The following NEDD9 variants were observed in gnomAD, a reference collection of about 807,000 sequenced individuals.
The protein encoded by NEDD9 is enhancer of filamentation 1.
In NEDD9, 26 loss-of-function variants were observed where a neutral mutation model predicts 76.6. That is an observed-to-expected ratio of 0.34 (90% CI 0.25 to 0.47). The LOEUF is 0.47. Ranked by LOEUF, NEDD9 falls within the 20% of genes least tolerant of loss-of-function variation. The pLI, the probability that NEDD9 is intolerant of heterozygous loss-of-function variation, is 1.00. For missense variants in NEDD9, 937 were observed against 1,058.5 expected (o/e 0.89, Z 1.59); for synonymous variants, 392 against 414.2 (o/e 0.95, Z 0.65).
intron 1 of NEDD9, among the ~76,000 whole-genome samples, chr6:11,215,004 C>T (rs1021676024): frequency 6.6e-6 from 1 of 152,188 alleles, no homozygotes; most frequent in Non-Finnish European, 1.5e-5. Context: ...CTTGATCATT[C>T]AGCCTCGTGC....
chr6:11,319,415 TAC>T (rs773336877), intron 2 of NEDD9, among the ~76,000 whole-genome samples: 31 of 147,914 alleles, frequency 2.1e-4, no homozygotes, highest in Admixed American at 4.0e-4. Context: ...CACCCTCACA[TAC>T]AGTCACACAT....
chr6:11,350,867 CG>C (rs1396438018), intron 1 of NEDD9, among the ~76,000 whole-genome samples: 1 of 152,072 alleles, frequency 6.6e-6, no homozygotes. Flanking sequence ...CAACCAGGGT[CG>C]GGGGGTGGTC....
chr6:11,380,049 C>T (rs1763034911), intron 1 of NEDD9, among the ~76,000 whole-genome samples: 2 of 152,350 alleles, frequency 1.3e-5, no homozygotes, highest in South Asian at 2.1e-4. Context: ...AGGTGCTCTC[C>T]ATGCTGTGCC....
chr6:11,278,255 C>A (rs1055471230), intron 3 of NEDD9, among the ~76,000 whole-genome samples: 2 of 152,174 alleles, frequency 1.3e-5, no homozygotes, highest in Non-Finnish European at 2.9e-5. Flanking sequence ...TCATCTGAAG[C>A]GAATTCTGTA....
At chr6:11,280,154 G>A (rs2113356393) in intron 3 of NEDD9, among the ~76,000 whole-genome samples, 1 of 152,298 alleles carries the variant, frequency 6.6e-6, no homozygotes, top group Non-Finnish European at 1.5e-5. Flanking sequence ...AGTGAAAAAT[G>A]TCTCTATTCA....
At chr6:11,291,277 T>TG (rs1275815217) in intron 3 of NEDD9, among the ~76,000 whole-genome samples, 4 of 141,020 alleles carry the variant, frequency 2.8e-5, no homozygotes, top group Non-Finnish European at 4.6e-5. Flanking sequence ...GTTTTTTTTT[T>TG]TTTTTTTTTT....
At chr6:11,340,621 A>G (rs1018712066) in intron 1 of NEDD9, among the ~76,000 whole-genome samples, 5 of 152,176 alleles carry the variant, frequency 3.3e-5, no homozygotes, top group Admixed American at 6.5e-5. Context: ...CTTCCACACT[A>G]AGGTACCTGT....
intron 3 of NEDD9, among the ~76,000 whole-genome samples, chr6:11,285,578 T>G (rs943397411): frequency 2.0e-5 from 3 of 152,020 alleles, no homozygotes; most frequent in Admixed American, 2.0e-4. Context: ...AAAATCTTTA[T>G]AAAAGAAGAA....
chr6:11,196,345 G>A (rs1007082218), intron 2 of NEDD9, among the ~76,000 whole-genome samples: 3 of 152,052 alleles, frequency 2.0e-5, no homozygotes, highest in African/African-American at 7.2e-5. Context: ...AACCCAGAAG[G>A]GGATTGGGAG....
intron 1 of NEDD9, among the ~76,000 whole-genome samples, chr6:11,373,328 T>G (rs1241395498): frequency 6.6e-6 from 1 of 152,238 alleles, no homozygotes; most frequent in Non-Finnish European, 1.5e-5. Flanking sequence ...TGTTAAAATG[T>G]GTCTATGGTC....
intron 1 of NEDD9, among the ~76,000 whole-genome samples, chr6:11,355,118 A>G (rs1042623704): frequency 6.6e-6 from 1 of 152,212 alleles, no homozygotes; most frequent in Non-Finnish European, 1.5e-5. Flanking sequence ...ACACAAATAT[A>G]TGGAAGCCAA....
intron 3 of NEDD9, among the ~76,000 whole-genome samples, chr6:11,285,159 T>G (rs1315341211): frequency 6.6e-6 from 1 of 152,216 alleles, no homozygotes; most frequent in Non-Finnish European, 1.5e-5. Context: ...TGTGTTGCTG[T>G]AAGAAGCCTA....
intron 3 of NEDD9, chr6:11,271,933 A>G (rs1002241789): frequency 6.6e-6 from 1 of 152,220 alleles, no homozygotes; most frequent in Non-Finnish European, 1.5e-5. Flanking sequence ...AGGCTCATGT[A>G]TTGAAAAACC....
chr6:11,338,491 G>A (rs1762208543), intron 1 of NEDD9, among the ~76,000 whole-genome samples: 1 of 152,090 alleles, frequency 6.6e-6, no homozygotes, highest in African/African-American at 2.4e-5. Context: ...TACTCTCAGG[G>A]ACCCTTAAGT....
intron 3 of NEDD9, among the ~76,000 whole-genome samples, chr6:11,248,231 AAAAG>A (rs964503047): frequency 5.9e-5 from 9 of 152,148 alleles, no homozygotes; most frequent in South Asian, 2.1e-4. Flanking sequence ...AAGGAAAAAA[AAAAG>A]AAAGAAAGAA....
At chr6:11,374,064 C>A (rs116142469) in intron 1 of NEDD9, among the ~76,000 whole-genome samples, 10,115 of 151,042 alleles carry the variant, frequency 0.067, 380 homozygotes, top group Admixed American at 0.12. Flanking sequence ...CTCTCTCTCT[C>A]TCTATATATA....
chr6:11,251,643 C>G lies in NEDD9; in HGVS notation c.13-37916G>C, dbSNP rs542983620. ...CCACGTTCCAGTCCAGTTCCTCCCC[C>G]TCACTAGGCTCTTTTCTAGTGACCC... On this transcript the variant is annotated intron_variant, in intron 3 of 3. Transcript: ENST00000397378. 3 of 152,498 alleles carry G rather than the reference C, an allele frequency of 2.0e-5. No individual in the cohort carries two copies. In the East Asian group the frequency reaches 5.8e-4, roughly 29 times the overall value. The allele number at this position is 152,498 out of a possible 1,614,324, so 9.4% of individuals were successfully genotyped here. A position where few individuals can be genotyped will look rare whatever the true frequency, so the allele number is the denominator to read the frequency against.
chr6:11,310,242 C>A (rs72832916), intron 2 of NEDD9, among the ~76,000 whole-genome samples: 2 of 152,186 alleles, frequency 1.3e-5, no homozygotes, highest in Non-Finnish European at 2.9e-5. Context: ...AACAGCCATG[C>A]GCTCCGAAAG....
chr6:11,307,337 A>AG (rs567383295), intron 2 of NEDD9, among the ~76,000 whole-genome samples: 132 of 152,218 alleles, frequency 8.7e-4, no homozygotes, highest in Admixed American at 4.4e-3. Context: ...CTTGGCTAAG[A>AG]GGGGGGAAAA....
Sources: gnomAD v4.1 joint callset for allele counts (sites outside exome capture counted in the v4.1 genomes callset) on GRCh38, gnomAD v4.1.1 for gene constraint, MANE v1.5 for transcripts, NCBI Gene and HGNC (gene_info 2026-07-23, HGNC 2026-07-21) for gene names.